TMEM108: variants seen among roughly 807,000 people sequenced by gnomAD.
The protein encoded by TMEM108 is transmembrane protein 108.
A neutral mutation model predicts 35.1 loss-of-function variants in TMEM108; 12 were observed. That is an observed-to-expected ratio of 0.34 (90% CI 0.22 to 0.55). The LOEUF is 0.55. Among genes scored for constraint, TMEM108 ranks in the 20% least tolerant of loss-of-function variants. The pLI is 0.89. For missense variants in TMEM108, 680 were observed against 753.3 expected (o/e 0.90, Z 1.14); for synonymous variants, 287 against 308.6 (o/e 0.93, Z 0.73).
intron 2 of TMEM108, among the ~76,000 whole-genome samples, chr3:133,182,959 G>T (rs550592157): frequency 6.6e-6 from 1 of 152,170 alleles, no homozygotes; most frequent in Non-Finnish European, 1.5e-5. Flanking sequence ...ATTACAAGTT[G>T]AGTATCTCTT....
chr3:133,259,020 T>A (rs1946587771), intron 3 of TMEM108, among the ~76,000 whole-genome samples: 1 of 152,220 alleles, frequency 6.6e-6, no homozygotes, highest in Non-Finnish European at 1.5e-5. Flanking sequence ...AGTCTCAGAC[T>A]GTCCTGATGG....
At chr3:133,225,148 G>A (rs1025308613) in intron 2 of TMEM108, among the ~76,000 whole-genome samples, 1 of 150,664 alleles carries the variant, frequency 6.6e-6, no homozygotes, top group Admixed American at 6.7e-5. Context: ...CTGGGTTCAA[G>A]CAATTCTCCT....
At chr3:133,227,307 C>T (rs1946087951) in intron 2 of TMEM108, among the ~76,000 whole-genome samples, 1 of 149,372 alleles carries the variant, frequency 6.7e-6, no homozygotes, top group Non-Finnish European at 1.5e-5. Flanking sequence ...CATTCTCCTG[C>T]CTCAGCCTCC....
At chr3:133,134,566 CT>C (rs1944538362) in intron 2 of TMEM108, among the ~76,000 whole-genome samples, 1 of 152,006 alleles carries the variant, frequency 6.6e-6, no homozygotes, top group South Asian at 2.1e-4. Flanking sequence ...TTCTTTCCCC[CT>C]CTCTTCTTGC....
At chr3:133,349,060 C>G (rs1018661746) in intron 3 of TMEM108, among the ~76,000 whole-genome samples, 1 of 151,998 alleles carries the variant, frequency 6.6e-6, no homozygotes, top group Non-Finnish European at 1.5e-5. Flanking sequence ...ACTAATATTA[C>G]AGGAAAAAAG....
chr3:133,246,198 G>C (rs1946383546), intron 3 of TMEM108: 1 of 152,142 alleles, frequency 6.6e-6, no homozygotes. Flanking sequence ...AACATTTCAA[G>C]TTCTCAGTGC....
At chr3:133,082,817 AAT>A (rs951911100) in intron 2 of TMEM108, among the ~76,000 whole-genome samples, 2 of 151,926 alleles carry the variant, frequency 1.3e-5, no homozygotes, top group African/African-American at 4.8e-5. Context: ...GTGCTTGGCT[AAT>A]TTTTAAAATT....
rs559424201 is a variant in TMEM108, at chr3:133,220,830, T to C, written c.-46-8436T>C. ...AGTAGTAGGTTGTCACCTATACTTC[T>C]GACCAACTGGCTGTAAATTGGGACC... On this transcript the variant is annotated intron_variant, in intron 2 of 5. Transcript: ENST00000321871. Among the ~76,000 whole-genome samples the C allele has an allele frequency of 6.6e-5, 10 of 152,350 alleles. No individual in the cohort carries two copies. In the East Asian group the frequency reaches 1.7e-3, roughly 26 times the overall value.
At chr3:133,287,212 C>A (rs1396467240) in intron 3 of TMEM108, among the ~76,000 whole-genome samples, 1 of 152,116 alleles carries the variant, frequency 6.6e-6, no homozygotes, top group Non-Finnish European at 1.5e-5. Flanking sequence ...GGCTAATGAG[C>A]AGATCACTTA....
intron 2 of TMEM108, among the ~76,000 whole-genome samples, chr3:133,089,043 C>T (rs554935188): frequency 1.3e-5 from 2 of 152,084 alleles, no homozygotes; most frequent in Non-Finnish European, 2.9e-5. Flanking sequence ...TCTCACATGG[C>T]CAGAGCAGAA....
chr3:133,062,781 C>T (rs183090967), intron 2 of TMEM108, among the ~76,000 whole-genome samples: 1 of 152,226 alleles, frequency 6.6e-6, no homozygotes, highest in East Asian at 1.9e-4. Context: ...ATGTGAGGTT[C>T]CATATTGTGG....
intron 3 of TMEM108, among the ~76,000 whole-genome samples, chr3:133,353,555 G>A (rs2072070389): frequency 6.6e-6 from 1 of 152,170 alleles, no homozygotes; most frequent in Non-Finnish European, 1.5e-5. Context: ...TGCCTGTGTG[G>A]TCACACGTCT....
chr3:133,327,286 C>A (rs1190406178), intron 3 of TMEM108, among the ~76,000 whole-genome samples: 1 of 152,190 alleles, frequency 6.6e-6, no homozygotes, highest in Non-Finnish European at 1.5e-5. Flanking sequence ...AAGAAAGCCA[C>A]ATTTTTTGAC....
chr3:133,175,156 C>T (rs959027858), intron 2 of TMEM108, among the ~76,000 whole-genome samples: 2 of 152,148 alleles, frequency 1.3e-5, no homozygotes, highest in African/African-American at 4.8e-5. Context: ...AACAAAGCCT[C>T]CAAGAAATAT....
intron 2 of TMEM108, among the ~76,000 whole-genome samples, chr3:133,129,893 T>C (rs375458058): frequency 3.8e-5 from 2 of 52,098 alleles, no homozygotes. Flanking sequence ...AAAAGTCCTT[T>C]AATATTTTTG....
In TMEM108 at chr3:133,287,404, G is replaced by A. The variant is rs542824377; in HGVS notation, c.40+58053G>A. Reference sequence around the variant, plus strand: ...AAGTATCTAATGCAGTATATCATGCGTATCTACTCCCTGAACAAGCTACTG... The same window carrying A: ...AAGTATCTAATGCAGTATATCATGCATATCTACTCCCTGAACAAGCTACTG... On this transcript the variant is annotated intron_variant, in intron 3 of 5. Transcript: ENST00000321871. 7.2e-5 allele frequency among the ~76,000 whole-genome samples: 11 copies of A among 152,258 alleles called. 1 individual carries two copies. The South Asian group carries it at 1.0e-3, about 14-fold the overall frequency.
At chr3:133,323,034 C>A (rs192591220) in intron 3 of TMEM108, among the ~76,000 whole-genome samples, 1 of 152,092 alleles carries the variant, frequency 6.6e-6, no homozygotes, top group Admixed American at 6.5e-5. Context: ...CCATCTATGA[C>A]AAACCCACAG....
chr3:133,148,435 G>A (rs1375081882), intron 2 of TMEM108, among the ~76,000 whole-genome samples: 1 of 152,072 alleles, frequency 6.6e-6, no homozygotes, highest in African/African-American at 2.4e-5. Flanking sequence ...TGGTAGTATT[G>A]CACTTTCATT....
At chr3:133,331,591 G>A (rs993902432) in intron 3 of TMEM108, among the ~76,000 whole-genome samples, 2 of 152,138 alleles carry the variant, frequency 1.3e-5, no homozygotes, top group African/African-American at 4.8e-5. Context: ...AAGAGCACAA[G>A]GCATATAGAA....
Sources: allele counts gnomAD v4.1 joint callset (sites outside exome capture counted in the v4.1 genomes callset), GRCh38; gene constraint gnomAD v4.1.1; transcripts MANE v1.5; gene names NCBI Gene and HGNC (gene_info 2026-07-23, HGNC 2026-07-21).